The following AXDND1 variants were observed in gnomAD, a reference collection of about 807,000 sequenced individuals.
The protein encoded by AXDND1 is axonemal dynein light chain domain containing 1.
AXDND1 carries 110 observed loss-of-function variants against 137.5 expected under a neutral mutation model. The ratio of observed to expected loss-of-function variants is 0.80; its 90% CI spans 0.69 to 0.94. The LOEUF is 0.94. Among genes scored for constraint, AXDND1 ranks in the 40% least tolerant of loss-of-function variants. The pLI is 0.00. For missense variants in AXDND1, 1,191 were observed against 1,169.8 expected (o/e 1.02, Z -0.26); for synonymous variants, 414 against 399.7 (o/e 1.04, Z -0.43).
At chr1:179,466,285 CT>C (rs143320609) in intron 16 of AXDND1, among the ~76,000 whole-genome samples, 1,151 of 87,758 alleles carry the variant, frequency 0.013, 14 homozygotes, top group African/African-American at 0.049. Flanking sequence ...TCTTCTTCTT[CT>C]TTTTTTTTTT....
intron 12 of AXDND1, among the ~76,000 whole-genome samples, chr1:179,414,185 C>T: frequency 7.4e-6 from 1 of 135,580 alleles, no homozygotes; most frequent in East Asian, 2.3e-4. Context: ...TTGATGAATA[C>T]AAGATAAATA....
intron 18 of AXDND1, among the ~76,000 whole-genome samples, chr1:179,488,941 G>A (rs1666521476): frequency 6.9e-6 from 1 of 144,334 alleles, no homozygotes; most frequent in African/African-American, 2.7e-5. Flanking sequence ...CACCATCTTG[G>A]CCAGGCTGGT....
intron 25 of AXDND1, among the ~76,000 whole-genome samples, chr1:179,538,678 G>T (rs752428440): frequency 2.2e-4 from 33 of 152,304 alleles, no homozygotes; most frequent in Non-Finnish European, 4.1e-4. Context: ...ATTGATTTGG[G>T]ATGGAGAATT....
intron 12 of AXDND1, among the ~76,000 whole-genome samples, chr1:179,418,757 G>A (rs1309904459): frequency 3.3e-5 from 5 of 151,722 alleles, no homozygotes; most frequent in South Asian, 4.2e-4. Flanking sequence ...GCTGCCGGGC[G>A]GAGACGCTCC....
chr1:179,379,796 C>CA lies in AXDND1; in HGVS notation c.581+335dup, dbSNP rs5779022. Among the ~76,000 whole-genome samples the CA allele has an allele frequency of 8.5e-5, 8 of 93,592 alleles. No individual in the cohort carries two copies. In the South Asian group the frequency reaches 1.5e-3, roughly 17 times the overall value. The allele number at this position is 93,592 out of a possible 152,430, so 61.4% of individuals were successfully genotyped here. On this transcript the variant is annotated intron_variant, in intron 6 of 25. Coordinates refer to ENST00000367618, the MANE Select transcript of AXDND1 (RefSeq NM_144696.6). ...GGGCAACAAGAGTGAAACTCCATCT[C>CA]AAAAAAAAAAAAAAAAAAAAAGAAA...
intron 15 of AXDND1, among the ~76,000 whole-genome samples, chr1:179,432,885 AC>A (rs1410400173): frequency 6.6e-6 from 1 of 150,390 alleles, no homozygotes; most frequent in East Asian, 1.9e-4. Context: ...CCTGGGCAAC[AC>A]AGCAAGACTC....
chr1:179,523,100 G>A (rs906364378), intron 21 of AXDND1, among the ~76,000 whole-genome samples: 5 of 151,662 alleles, frequency 3.3e-5, no homozygotes, highest in Non-Finnish European at 5.9e-5. Flanking sequence ...GGCTTTCCTC[G>A]TGGCCTCTCA....
intron 16 of AXDND1, among the ~76,000 whole-genome samples, chr1:179,464,671 G>A (rs1662867617): frequency 6.6e-6 from 1 of 152,122 alleles, no homozygotes; most frequent in Non-Finnish European, 1.5e-5. Context: ...TGCCTTGCTA[G>A]GTTGGGGAAG....
At chr1:179,368,727 A>G in intron 2 of AXDND1, 73 bp from the exon 3 acceptor site, 1 of 1,196,338 alleles carries the variant, frequency 8.4e-7, no homozygotes, top group Non-Finnish European at 1.2e-6. Flanking sequence ...GGGATTGATG[A>G]GGCAGTCTGA....
rs940500681 is a variant in AXDND1, at chr1:179,445,081, A to G, written c.1675A>G (p.Ile559Val). 2 of 1,613,600 alleles carry G rather than the reference A, an allele frequency of 1.2e-6. No homozygotes were observed. Among genetic ancestry groups the G allele is most frequent in the African/African-American group, 2.7e-5 (2 of 75,048 alleles). ...QENWADIGLG[I>V]FNRHKSLEGE... ...AAACTGGGCAGATATTGGGCTTGGG[A>G]TATTTAATCGGCATAAAAGTTTGGA... The change falls in exon 16 of 26, where the codon ATA (isoleucine) becomes GTA (valine). Residue 559 changes from isoleucine to valine, a missense_variant. Transcript: ENST00000367618.
chr1:179,507,890 G>C (rs980284541), intron 20 of AXDND1, among the ~76,000 whole-genome samples: 5 of 152,158 alleles, frequency 3.3e-5, no homozygotes, highest in Admixed American at 2.0e-4. Flanking sequence ...TCTTCTTCCT[G>C]ATATGCAATA....
At chr1:179,400,864 C>T (rs1195806250) in intron 11 of AXDND1, among the ~76,000 whole-genome samples, 1 of 135,122 alleles carries the variant, frequency 7.4e-6, no homozygotes, top group East Asian at 2.3e-4. Flanking sequence ...GAGATCATGC[C>T]ACTGCACTCC....
chr1:179,552,505 A>G, intron 25 of AXDND1: 1 of 916,432 alleles, frequency 1.1e-6, no homozygotes, highest in Non-Finnish European at 1.8e-6. Context: ...GCTTCTGCCC[A>G]GTGCCTAATG....
At chr1:179,435,584 T>TG (rs1323865609) in intron 15 of AXDND1, among the ~76,000 whole-genome samples, 5 of 151,996 alleles carry the variant, frequency 3.3e-5, no homozygotes, top group Admixed American at 3.3e-4. Context: ...GACAAAAACA[T>TG]GCAATGGGGA....
chr1:179,378,181 T>A (rs1322796726), intron 4 of AXDND1, among the ~76,000 whole-genome samples: 1 of 151,892 alleles, frequency 6.6e-6, no homozygotes, highest in Non-Finnish European at 1.5e-5. Flanking sequence ...AAAATAATAA[T>A]AATGATAATA....
At chr1:179,517,259 G>A (rs1489484158) in intron 21 of AXDND1, among the ~76,000 whole-genome samples, 1 of 152,124 alleles carries the variant, frequency 6.6e-6, no homozygotes, top group East Asian at 1.9e-4. Context: ...GACCTCACCT[G>A]GTCTCCACAC....
At chr1:179,411,527 T>G (rs1424535477) in intron 12 of AXDND1, among the ~76,000 whole-genome samples, 1 of 151,912 alleles carries the variant, frequency 6.6e-6, no homozygotes, top group East Asian at 1.9e-4. Flanking sequence ...CAGTTTTCAA[T>G]AATCTAGACA....
chr1:179,416,723 T>A (rs1654762288), intron 12 of AXDND1, among the ~76,000 whole-genome samples: 1 of 152,234 alleles, frequency 6.6e-6, no homozygotes, highest in South Asian at 2.1e-4. Context: ...TTGCCTGTTC[T>A]GGAGGGTTGC....
intron 25 of AXDND1, among the ~76,000 whole-genome samples, chr1:179,539,246 T>TTATTTTGC (rs1269427056): frequency 6.6e-6 from 1 of 152,210 alleles, no homozygotes. Flanking sequence ...TGCTAGCTGG[T>TTATTTTGC]TATTTTGCCC....
Sources: gnomAD v4.1 joint callset for allele counts (sites outside exome capture counted in the v4.1 genomes callset) on GRCh38, gnomAD v4.1.1 for gene constraint, MANE v1.5 for transcripts, NCBI Gene and HGNC (gene_info 2026-07-23, HGNC 2026-07-21) for gene names.